ABCC1: variants seen among roughly 807,000 people sequenced by gnomAD.
The protein encoded by ABCC1 is ATP binding cassette subfamily C member 1 (ABCC1 blood group).
ABCC1 carries 83 observed loss-of-function variants against 172.9 expected under a neutral mutation model. That is an observed-to-expected ratio of 0.48 (90% CI 0.40 to 0.58). ABCC1 has a LOEUF of 0.58. Ranked by LOEUF, ABCC1 falls within the 20% of genes least tolerant of loss-of-function variation. The pLI, the probability that ABCC1 is intolerant of heterozygous loss-of-function variation, is 0.00. For synonymous variants in ABCC1, 937 were observed against 825.2 expected, an observed-to-expected ratio of 1.14 and a Z score of -2.32; for missense variants, 1,817 against 2,002.7, an observed-to-expected ratio of 0.91 and a Z score of 1.77.
chr16:16,057,168 C>G (rs1321538595), intron 12 of ABCC1, among the ~76,000 whole-genome samples: 1 of 146,354 alleles, frequency 6.8e-6, no homozygotes, highest in African/African-American at 2.5e-5. Context: ...CTGGTGAAAC[C>G]CTGTTACTGC....
In ABCC1 at chr16:16,016,513, G is replaced by C. The variant is rs759242875; in HGVS notation, c.507G>C (p.Leu169=). 6.2e-7 allele frequency: 1 copy of C among 1,614,094 alleles called. No individual in the cohort carries two copies. The change falls in exon 5 of 31, where the codon CTG becomes CTC. Residue 169 remains leucine, a synonymous_variant. Transcript: ENST00000399410. ...TALKEDAQVD[L]FRDITFYVYF... The stretch of plus-strand genomic sequence containing the variant: ...CCATGTAGGATGCCCAGGTGGACCT[G>C]TTTCGTGACATCACTTTCTACGTCT...
At chr16:16,019,189 C>T (rs547114670) in intron 5 of ABCC1, among the ~76,000 whole-genome samples, 4 of 152,112 alleles carry the variant, frequency 2.6e-5, no homozygotes, top group Non-Finnish European at 4.4e-5. Flanking sequence ...ACTGCAACCC[C>T]GCCTCCTGGG....
chr16:16,024,138 G>A (rs538910017), intron 5 of ABCC1, among the ~76,000 whole-genome samples: 60 of 152,260 alleles, frequency 3.9e-4, no homozygotes, highest in African/African-American at 1.3e-3. Flanking sequence ...AGAATTGCTT[G>A]AACCCGGGAG....
chr16:16,138,618 C>G, intron 30 of ABCC1, 60 bp downstream of exon 30: 7 of 1,359,762 alleles, frequency 5.1e-6, no homozygotes, highest in South Asian at 1.6e-5. Flanking sequence ...CACTGGCTCA[C>G]TCATTAATTC....
At chr16:16,057,249 C>T (rs1339582423) in intron 12 of ABCC1, among the ~76,000 whole-genome samples, 1 of 149,802 alleles carries the variant, frequency 6.7e-6, no homozygotes, top group Non-Finnish European at 1.5e-5. Flanking sequence ...TTCCCAGCTA[C>T]TCAGGAGGCC....
At chr16:16,101,823 C>T (rs117247808) in intron 19 of ABCC1, among the ~76,000 whole-genome samples, 7 of 152,272 alleles carry the variant, frequency 4.6e-5, no homozygotes, top group African/African-American at 7.2e-5. Flanking sequence ...GTTGATGTTC[C>T]GGTGATTATT....
chr16:16,037,873 G>T (rs999097896), intron 7 of ABCC1, among the ~76,000 whole-genome samples: 2 of 152,192 alleles, frequency 1.3e-5, no homozygotes, highest in Non-Finnish European at 2.9e-5. Context: ...GAGGCTGTTT[G>T]GGTGGTCCAG....
At chr16:16,094,173 A>G (rs933862892) in intron 19 of ABCC1, 16 of 255,554 alleles carry the variant, frequency 6.3e-5, no homozygotes, top group Admixed American at 5.4e-4. Context: ...GAGCTCACGT[A>G]TGGGTTAATC....
intron 17 of ABCC1, 78 bp downstream of exon 17, chr16:16,083,620 C>CTG (rs2050891767): frequency 1.3e-6 from 2 of 1,537,644 alleles, no homozygotes; most frequent in Non-Finnish European, 1.8e-6. Flanking sequence ...TCTCAGTGGG[C>CTG]TGTGAGTCTG....
intron 5 of ABCC1, among the ~76,000 whole-genome samples, chr16:16,019,463 C>T (rs1243025085): frequency 6.6e-6 from 1 of 152,142 alleles, no homozygotes; most frequent in African/African-American, 2.4e-5. Flanking sequence ...TGGGTGGCTG[C>T]AGACCTTGGA....
At position 16,026,464 on chromosome 16, in the gene ABCC1, C is replaced by CTTTTTTTTTTTT. The variant is rs1491397616; in HGVS notation, c.616-6645_616-6644insTTTTTTTTTTTT. Among the ~76,000 whole-genome samples the CTTTTTTTTTTTT allele has an allele frequency of 2.3e-3, 238 of 102,232 alleles. 9 individuals carry two copies. Among genetic ancestry groups the CTTTTTTTTTTTT allele is most frequent in the African/African-American group, 7.8e-3 (223 of 28,662 alleles). 67.1% of individuals were successfully genotyped at this position (102,232 alleles called of 152,430 possible). On this transcript the variant is annotated intron_variant, in intron 5 of 30. Coordinates refer to ENST00000399410, the MANE Select transcript of ABCC1 (RefSeq NM_004996.4). ...AAAAAAAAAAAAAAAAAGGCTATTT[C>CTTTTTTTTTTTT]CTTTTTTTTTTTTTTTTTTTTTTTG...
At chr16:16,102,539 C>T (rs2152057892) in intron 19 of ABCC1, 88 bp from the exon 20 acceptor site, 2 of 1,240,726 alleles carry the variant, frequency 1.6e-6, no homozygotes, top group South Asian at 2.6e-5. Flanking sequence ...CTGTGGTCTC[C>T]TCACTGAAGT....
intron 2 of ABCC1, among the ~76,000 whole-genome samples, chr16:16,009,454 C>T (rs770480194): frequency 3.3e-5 from 5 of 151,596 alleles, no homozygotes; most frequent in East Asian, 1.9e-4. Flanking sequence ...TGCAGTGCGC[C>T]GGAGTTGCAG....
At position 15,966,651 on chromosome 16, in the gene ABCC1, C is replaced by CTT. The variant is rs34159339; in HGVS notation, c.48+16867_48+16868dup. Among the ~76,000 whole-genome samples the CTT allele has an allele frequency of 4.9e-3, 677 of 138,654 alleles. 10 individuals are homozygous for CTT. The highest frequency in any genetic ancestry group is 0.011 in the Middle Eastern group (3 of 268). 91.0% of individuals were successfully genotyped at this position (138,654 alleles called of 152,430 possible). A position where few individuals can be genotyped will look rare whatever the true frequency, so the allele number is the denominator to read the frequency against. On this transcript the variant is annotated intron_variant, in intron 1 of 30. Coordinates refer to ENST00000399410, the MANE Select transcript of ABCC1 (RefSeq NM_004996.4). ...AATTGTAGTTTGCTTTTCTCTCTCT[C>CTT]TTTTTTTTTTTTTTTTAGAGACAGA...
At chr16:15,971,424 C>T (rs1348537741) in intron 1 of ABCC1, among the ~76,000 whole-genome samples, 1 of 152,218 alleles carries the variant, frequency 6.6e-6, no homozygotes, top group African/African-American at 2.4e-5. Context: ...TCAAAGGTTG[C>T]TGGCCTGGCT....
At chr16:16,122,821 T>C (rs1294807860) in intron 24 of ABCC1, among the ~76,000 whole-genome samples, 1 of 151,814 alleles carries the variant, frequency 6.6e-6, no homozygotes, top group East Asian at 1.9e-4. Flanking sequence ...GAGTTCAAAG[T>C]TGCATTGAGC....
intron 30 of ABCC1, 58 bp from the exon 31 acceptor site, chr16:16,141,115 G>A (rs1372451170): frequency 1.1e-5 from 16 of 1,512,110 alleles, no homozygotes; most frequent in Non-Finnish European, 1.5e-5. Flanking sequence ...AGTTGTCCCA[G>A]GGGCACGAGG....
intron 19 of ABCC1, among the ~76,000 whole-genome samples, chr16:16,091,696 T>TG (rs887120581): frequency 6.6e-6 from 1 of 152,006 alleles, no homozygotes; most frequent in Non-Finnish European, 1.5e-5. Context: ...TGCCAGGACG[T>TG]GGGGGGCAGG....
chr16:16,116,831 A>G (rs559196455), intron 23 of ABCC1, among the ~76,000 whole-genome samples: 1 of 152,332 alleles, frequency 6.6e-6, no homozygotes, highest in East Asian at 1.9e-4. Flanking sequence ...AAGTGCTGGG[A>G]TTACAGGCAT....
Sources: allele counts gnomAD v4.1 joint callset (sites outside exome capture counted in the v4.1 genomes callset), GRCh38; gene constraint gnomAD v4.1.1; transcripts MANE v1.5; gene names NCBI Gene and HGNC (gene_info 2026-07-23, HGNC 2026-07-21).